Variants in ZNF444 observed in about 807,000 individuals in gnomAD.
ZNF444 encodes zinc finger protein 444.
A neutral mutation model predicts 14.4 loss-of-function variants in ZNF444; 8 were observed. That is an observed-to-expected ratio of 0.56 (90% CI 0.33 to 1.00). The LOEUF is 1.00. Ranked by LOEUF, ZNF444 falls within the 50% of genes least tolerant of loss-of-function variation. The pLI, the probability that ZNF444 is intolerant of heterozygous loss-of-function variation, is 0.03. For missense variants in ZNF444, 510 were observed against 504.8 expected (o/e 1.01, Z -0.10); for synonymous variants, 258 against 235.9 (o/e 1.09, Z -0.86).
chr19:56,132,583 C>T (rs904095246), upstream of ZNF444: 1 of 152,236 alleles, frequency 6.6e-6, no homozygotes, highest in South Asian at 2.1e-4. Context: ...AGAACTCTAG[C>T]TCTCCAGAGG....
At chr19:56,149,926 G>A (rs1486149956) in intron 3 of ZNF444, 1 of 156,990 alleles carries the variant, frequency 6.4e-6, no homozygotes, top group Non-Finnish European at 1.4e-5. Flanking sequence ...CCCCATGTCA[G>A]TGCTTAACTC....
chr19:56,155,487 G>A (rs2031852360), intron 3 of ZNF444: 2 of 152,438 alleles, frequency 1.3e-5, no homozygotes, highest in African/African-American at 4.8e-5. Flanking sequence ...AGGGCCCCAG[G>A]TGAGCAGACC....
At chr19:56,134,959 C>T (rs563976323) in intron 1 of ZNF444, among the ~76,000 whole-genome samples, 7 of 151,928 alleles carry the variant, frequency 4.6e-5, no homozygotes, top group African/African-American at 1.7e-4. Flanking sequence ...AGGCCGGGCA[C>T]GGTGCCTCAT....
At chr19:56,153,302 A>G (rs1404476891) in intron 3 of ZNF444, among the ~76,000 whole-genome samples, 1 of 152,142 alleles carries the variant, frequency 6.6e-6, no homozygotes, top group African/African-American at 2.4e-5. Context: ...TGGTATGTCT[A>G]GCCCCAGCTG....
chr19:56,144,583 G>C lies in ZNF444; in HGVS notation c.-196-1664G>C, dbSNP rs2031048574. ...GTCTTGTGGCAGCCGTCCCAGCAAT[G>C]AGATGACGTTTGTGGTTAGTGACAT... On this transcript the variant is annotated intron_variant, in intron 1 of 4. Transcript: ENST00000337080. This position sits in a 1 kb window ranked among gnomAD's most constrained non-coding sequence, Gnocchi z 4.0. Among the ~76,000 whole-genome samples the C allele has an allele frequency of 6.6e-6, 1 of 152,208 alleles. No homozygotes were observed. The highest frequency in any genetic ancestry group is 1.5e-5 in the Non-Finnish European group (1 of 68,046).
chr19:56,158,679 C>T, intron 4 of ZNF444, 77 bp downstream of exon 4: 2 of 1,283,266 alleles, frequency 1.6e-6, no homozygotes, highest in East Asian at 5.4e-5. Context: ...ATCCTGGCAC[C>T]AGGACCCAGG....
chr19:56,148,590 C>T (rs909697436), intron 3 of ZNF444, among the ~76,000 whole-genome samples: 1 of 152,154 alleles, frequency 6.6e-6, no homozygotes, highest in African/African-American at 2.4e-5. Context: ...CAGACACTCC[C>T]CCCTCTTATT....
chr19:56,160,435 C>T lies in ZNF444; in HGVS notation c.*234C>T, dbSNP rs544730030. 82 of 476,796 alleles carry T rather than the reference C, an allele frequency of 1.7e-4. No homozygotes were observed. The highest frequency in any genetic ancestry group is 2.5e-4 in the Non-Finnish European group (69 of 272,844). The allele number at this position is 476,796 out of a possible 1,614,324, so 29.5% of individuals were successfully genotyped here. A position where few individuals can be genotyped will look rare whatever the true frequency, so the allele number is the denominator to read the frequency against. On this transcript the variant is annotated 3_prime_UTR_variant, in exon 5 of 5. Transcript: ENST00000337080. ...TCAGCCCCCCCCTTCTCCCTGATTTCTCGGCCTCTCTCTCTGTGTGAAGGG... is the reference window on the plus strand; with the variant it reads ...TCAGCCCCCCCCTTCTCCCTGATTTTTCGGCCTCTCTCTCTGTGTGAAGGG...
At chr19:56,134,280 G>A (rs1207838147) in intron 1 of ZNF444, among the ~76,000 whole-genome samples, 1 of 152,180 alleles carries the variant, frequency 6.6e-6, no homozygotes, top group East Asian at 1.9e-4. Flanking sequence ...GAGCCGAGAA[G>A]CTAGAAGGTA....
In ZNF444 at chr19:56,160,146, C is replaced by A. The variant is rs1568568427; in HGVS notation, c.929C>A (p.Ala310Glu). 5 of 1,482,500 alleles carry A rather than the reference C, an allele frequency of 3.4e-6. No individual in the cohort carries two copies. Among genetic ancestry groups the A allele is most frequent in the Non-Finnish European group, 4.4e-6 (5 of 1,125,210 alleles). 91.8% of individuals were successfully genotyped at this position (1,482,500 alleles called of 1,614,324 possible). ...HGRAAASAQG[A>E]VAPGPDGGGP... ...CGGGCAGCGGCCAGCGCGCAGGGGG[C>A]GGTAGCTCCGGGCCCGGATGGTGGA... The change falls in exon 5 of 5, where the codon GCG becomes GAG. Residue 310 changes from alanine to glutamate, a missense_variant. Coordinates refer to ENST00000337080, the MANE Select transcript of ZNF444 (RefSeq NM_018337.4).
rs1399854824 is a variant in ZNF444 at position 56,136,081 on chromosome 19, C to CCAAA, written c.-197+3303_-197+3304insCAAA. On this transcript the variant is annotated intron_variant, in intron 1 of 2. Transcript: ENST00000587467. ...TGGGTGACAGAGCGAGATTCCGTCTCAAAAAAAAAAAAAAAAAAAAGCTAA... is the reference window on the plus strand; with the variant it reads ...TGGGTGACAGAGCGAGATTCCGTCTCCAAAAAAAAAAAAAAAAAAAAAAAGCTAA... Among the ~76,000 whole-genome samples the CCAAA allele has an allele frequency of 1.0e-4, 6 of 59,458 alleles. No homozygotes were observed. The Admixed American group carries it at 1.4e-3, about 14-fold the overall frequency. 39.0% of individuals were successfully genotyped at this position (59,458 alleles called of 152,430 possible). A position where few individuals can be genotyped will look rare whatever the true frequency, so the allele number is the denominator to read the frequency against.
chr19:56,140,246 T>C (rs1215138576), upstream of ZNF444, among the ~76,000 whole-genome samples: 3 of 152,146 alleles, frequency 2.0e-5, no homozygotes, highest in Admixed American at 2.0e-4. Context: ...GATTCTCTTA[T>C]CCTTGTTGTA....
chr19:56,147,490 C>T lies in ZNF444; in HGVS notation c.297+282C>T, dbSNP rs528472065. 3.0e-4 allele frequency among the ~76,000 whole-genome samples: 45 copies of T among 152,218 alleles called. No homozygotes were observed. Among genetic ancestry groups the T allele is most frequent in the African/African-American group, 9.4e-4 (39 of 41,520 alleles). On this transcript the variant is annotated intron_variant, in intron 3 of 4. Coordinates refer to ENST00000337080, the MANE Select transcript of ZNF444 (RefSeq NM_018337.4). This position sits in a 1 kb window ranked among gnomAD's most constrained non-coding sequence, Gnocchi z 5.9. ...ACGGTCACGGCTTATCAGAGAAGGA[C>T]GTGCTGGAAGCAGCTGGGAAGAAGG...
rs924263275 is a variant in ZNF444 at position 56,147,446 on chromosome 19, A to C, written c.297+238A>C. 3.3e-5 allele frequency among the ~76,000 whole-genome samples: 5 copies of C among 152,160 alleles called. No individual in the cohort carries two copies. The highest frequency in any genetic ancestry group is 5.9e-5 in the Non-Finnish European group (4 of 68,016). On this transcript the variant is annotated intron_variant, in intron 3 of 4. Coordinates refer to ENST00000337080, the MANE Select transcript of ZNF444 (RefSeq NM_018337.4). This position sits in a 1 kb window ranked among gnomAD's most constrained non-coding sequence, Gnocchi z 5.9. ...ACCCTGGCATACTTGCGAGTTCTCTAGGACTCACAGCCGTGTTCACGGTCA... is the reference window on the plus strand; with the variant it reads ...ACCCTGGCATACTTGCGAGTTCTCTCGGACTCACAGCCGTGTTCACGGTCA...
At chr19:56,148,099 G>A (rs1294426602) in intron 3 of ZNF444, among the ~76,000 whole-genome samples, 1 of 152,176 alleles carries the variant, frequency 6.6e-6, no homozygotes, top group Non-Finnish European at 1.5e-5. Context: ...TAGTCAGCAC[G>A]TTAAAAAAAG....
At chr19:56,159,600 T>C in intron 4 of ZNF444, 24 bp from the exon 5 acceptor site, 1 of 1,423,020 alleles carries the variant, frequency 7.0e-7, no homozygotes, top group Non-Finnish European at 9.1e-7. Flanking sequence ...CCGACCCAGA[T>C]GCTGACTCTC....
At chr19:56,156,469 G>C (rs2031910978) in intron 3 of ZNF444, 1 of 152,200 alleles carries the variant, frequency 6.6e-6, no homozygotes, top group African/African-American at 2.4e-5. Context: ...TTTCCTCCAG[G>C]GTAGGGGCAG....
chr19:56,159,822 C>T lies in ZNF444; in HGVS notation c.605C>T (p.Ser202Leu), dbSNP rs540433009. 26 of 1,576,488 alleles carry T rather than the reference C, an allele frequency of 1.6e-5. No individual in the cohort carries two copies. In the East Asian group the frequency reaches 5.5e-4, roughly 34 times the overall value. Residue 202 changes from serine to leucine, a missense_variant, in exon 5 of 5, where the codon TCG (serine) becomes TTG (leucine). Coordinates refer to ENST00000337080, the MANE Select transcript of ZNF444 (RefSeq NM_018337.4). ...AHLLRHRQSH[S>L]GEKPHACPEC... ...CTGCTGCGCCACCGGCAGAGCCACT[C>T]GGGCGAGAAGCCGCACGCCTGCCCT...
chr19:56,149,983 G>C (rs1441640946), intron 3 of ZNF444: 1 of 158,666 alleles, frequency 6.3e-6, no homozygotes, highest in South Asian at 1.9e-4. Context: ...CAGATGACAG[G>C]TTCTGGGGAT....
Sources: gnomAD v4.1 joint callset for allele counts (sites outside exome capture counted in the v4.1 genomes callset) on GRCh38, gnomAD v4.1.1 for gene constraint, Gnocchi (gnomAD v3.1) non-coding constraint, MANE v1.5 for transcripts, NCBI Gene and HGNC (gene_info 2026-07-23, HGNC 2026-07-21) for gene names.